Variants in ZNF79 observed in about 807,000 individuals in gnomAD.
The protein encoded by ZNF79 is zinc finger protein 79.
Under a neutral mutation model 14.9 loss-of-function variants are expected in ZNF79, and 13 were observed. The ratio of observed to expected loss-of-function variants is 0.87; its 90% CI spans 0.57 to 1.38. ZNF79 has a LOEUF of 1.38. ZNF79 is among the 40% of genes most tolerant of loss of function. The pLI, the probability that ZNF79 is intolerant of heterozygous loss-of-function variation, is 0.00. For synonymous variants in ZNF79, 223 were observed against 235.1 expected, an observed-to-expected ratio of 0.95 and a Z score of 0.47; for missense variants, 631 against 630.6, an observed-to-expected ratio of 1.00 and a Z score of -0.01.
chr9:127,433,659 G>A (rs567484538), intron 2 of ZNF79, among the ~76,000 whole-genome samples: 5 of 151,660 alleles, frequency 3.3e-5, no homozygotes, highest in Non-Finnish European at 5.9e-5. Context: ...CTCCAGATCC[G>A]TGTTTTCACC....
At chr9:127,425,944 A>G (rs890558074) in intron 1 of ZNF79, among the ~76,000 whole-genome samples, 1 of 152,118 alleles carries the variant, frequency 6.6e-6, no homozygotes, top group African/African-American at 2.4e-5. Flanking sequence ...GTGCAATTTC[A>G]CATCCAGTAT....
At chr9:127,439,753 C>T (rs373193648) in intron 4 of ZNF79, among the ~76,000 whole-genome samples, 3 of 152,226 alleles carry the variant, frequency 2.0e-5, no homozygotes, top group Admixed American at 1.3e-4. Context: ...ACATACCTGG[C>T]ATCATTTTAG....
At chr9:127,425,528 A>G (rs1833737553) in intron 1 of ZNF79, among the ~76,000 whole-genome samples, 1 of 151,964 alleles carries the variant, frequency 6.6e-6, no homozygotes, top group Non-Finnish European at 1.5e-5. Flanking sequence ...TACAAGTGCA[A>G]TTTTACATCC....
chr9:127,424,927 A>C, intron 1 of ZNF79, 124 bp downstream of exon 1: 1 of 1,543,438 alleles, frequency 6.5e-7, no homozygotes, highest in Non-Finnish European at 8.8e-7. Context: ...GGAGACAATC[A>C]TTTTTTCTTT....
chr9:127,435,759 C>T, intron 3 of ZNF79, 149 bp from the exon 4 acceptor site: 1 of 679,402 alleles, frequency 1.5e-6, no homozygotes, highest in Non-Finnish European at 2.7e-6. Context: ...GCTATAGCCC[C>T]TGGTGTAGGC....
Position 127,424,794 on chromosome 9 carries a change from G to C in ZNF79, c.7G>C (p.Glu3Gln), listed in dbSNP as rs1290771340. 2.5e-6 allele frequency: 4 copies of C among 1,613,880 alleles called. No homozygotes were observed. In the South Asian group the frequency reaches 4.4e-5, roughly 18 times the overall value. Residue 3 changes from glutamate (E) to glutamine (Q), a missense_variant, in exon 1 of 5, where the codon GAG becomes CAG. Coordinates refer to ENST00000342483, the MANE Select transcript of ZNF79 (RefSeq NM_007135.3). ...GGCGCGAGGCGGGACTCAAATGCTG[G>C]AGGAAGGAGGTGAGGAGTGGTAGAG... ML[E>Q]EGVLPSPGPA...
rs374865794 is a variant in ZNF79 at position 127,445,182 on chromosome 9, C to G, written c.1482C>G (p.Leu494=). 17 of 1,613,898 alleles carry G rather than the reference C, an allele frequency of 1.1e-5. No homozygotes were observed. The highest frequency in any genetic ancestry group is 3.3e-4 in the Middle Eastern group (2 of 6,084). ...CTGCCTTCGTTAGACATCAGAGACT[C>G]CACGCCGGAGAGTAACTAGGAACAT... is the stretch of plus-strand genomic sequence containing the variant. ...CSSAFVRHQR[L]HAGE The change falls in exon 5 of 5, where the codon CTC becomes CTG. Residue 494 remains leucine, a synonymous_variant. Coordinates refer to ENST00000342483, the MANE Select transcript of ZNF79 (RefSeq NM_007135.3).
intron 4 of ZNF79, 102 bp from the exon 5 acceptor site, chr9:127,443,927 A>C: frequency 1.0e-5 from 6 of 576,390 alleles, no homozygotes; most frequent in Non-Finnish European, 1.7e-5. Flanking sequence ...AAAAAAGGAG[A>C]TGAGTCATCA....
At chr9:127,435,302 C>G (rs759305592) in intron 3 of ZNF79, 86 bp downstream of exon 3, 1 of 1,432,986 alleles carries the variant, frequency 7.0e-7, no homozygotes, top group Non-Finnish European at 9.3e-7. Flanking sequence ...GGGTTTCTGA[C>G]TGGTGTGATG....
intron 4 of ZNF79, among the ~76,000 whole-genome samples, chr9:127,436,231 C>T (rs1288920891): frequency 6.6e-6 from 1 of 152,222 alleles, no homozygotes; most frequent in Non-Finnish European, 1.5e-5. Context: ...CTAAAACACA[C>T]TCTTCCTCAC....
chr9:127,433,295 G>A (rs1833892363), intron 2 of ZNF79, among the ~76,000 whole-genome samples: 1 of 152,184 alleles, frequency 6.6e-6, no homozygotes, highest in South Asian at 2.1e-4. Context: ...AATGGGGATT[G>A]ATGCTGCGGG....
chr9:127,443,728 C>T (rs566020465), intron 4 of ZNF79, among the ~76,000 whole-genome samples: 5 of 151,954 alleles, frequency 3.3e-5, no homozygotes, highest in South Asian at 2.1e-4. Context: ...GGTGAAACCC[C>T]GTCTCTACTA....
At chr9:127,439,153 G>A (rs1018932919) in intron 4 of ZNF79, among the ~76,000 whole-genome samples, 1 of 148,926 alleles carries the variant, frequency 6.7e-6, no homozygotes, top group African/African-American at 2.5e-5. Context: ...GGCTATGGGA[G>A]TTATGAGCCA....
At chr9:127,429,969 A>G (rs1030280290) in intron 2 of ZNF79, among the ~76,000 whole-genome samples, 1 of 151,888 alleles carries the variant, frequency 6.6e-6, no homozygotes, top group Admixed American at 6.6e-5. Flanking sequence ...GGTGCGCCCT[A>G]CCACGCCCAG....
chr9:127,444,592 A>G lies in ZNF79; in HGVS notation c.892A>G (p.Ile298Val). ...CTCAGCTCTTGTTCAGCATCAGAGA[A>G]TTCATACCGGAGAGAAGCCCTACGA... Reference protein sequence around the residue: ...DCSALVQHQRIHTGEKPYECS... With the variant: ...DCSALVQHQRVHTGEKPYECS... The change falls in exon 5 of 5, where the codon ATT (isoleucine) becomes GTT (valine). Residue 298 changes from isoleucine (I) to valine (V), a missense_variant. Transcript: ENST00000342483. 6.2e-7 allele frequency: 1 copy of G among 1,614,136 alleles called. No individual in the cohort carries two copies. The highest frequency in any genetic ancestry group is 8.5e-7 in the Non-Finnish European group (1 of 1,180,018).
Position 127,428,394 on chromosome 9 carries a change from A to C in ZNF79, c.17-438A>C, listed in dbSNP as rs1478517196. ...TCTTTTCATTTAAGCAAATGCCTTA[A>C]ATTTGCAGAGTCACTTTCTCCAAAG... is the stretch of plus-strand genomic sequence containing the variant. On this transcript the variant is annotated intron_variant, in intron 1 of 4. Transcript: ENST00000342483. 2.0e-5 allele frequency among the ~76,000 whole-genome samples: 3 copies of C among 152,316 alleles called. No individual in the cohort carries two copies. In the East Asian group the frequency reaches 5.8e-4, roughly 29 times the overall value.
At chr9:127,427,748 G>A (rs1287681342) in intron 1 of ZNF79, among the ~76,000 whole-genome samples, 1 of 152,112 alleles carries the variant, frequency 6.6e-6, no homozygotes, top group Admixed American at 6.5e-5. Context: ...ATGTTGCCCA[G>A]GCTGATCTCG....
intron 4 of ZNF79, among the ~76,000 whole-genome samples, chr9:127,439,910 T>C (rs1423375536): frequency 6.6e-6 from 1 of 152,202 alleles, no homozygotes; most frequent in Admixed American, 6.5e-5. Flanking sequence ...TCTCCCAGGC[T>C]GGAGTGCAGT....
chr9:127,433,711 A>G (rs952848084), intron 2 of ZNF79, among the ~76,000 whole-genome samples: 1 of 152,140 alleles, frequency 6.6e-6, no homozygotes, highest in African/African-American at 2.4e-5. Flanking sequence ...TGGCCACCTT[A>G]AACTCTGTGG....
Sources: allele counts gnomAD v4.1 joint callset (sites outside exome capture counted in the v4.1 genomes callset), GRCh38; gene constraint gnomAD v4.1.1; transcripts MANE v1.5; gene names NCBI Gene and HGNC (gene_info 2026-07-23, HGNC 2026-07-21).